GPT2: variants seen among roughly 807,000 people sequenced by gnomAD.
The protein encoded by GPT2 is alanine aminotransferase 2.
In GPT2, 30 loss-of-function variants were observed where a neutral mutation model predicts 56.9. The observed-to-expected ratio is 0.53, with a 90% confidence interval of 0.39 to 0.72. The LOEUF is 0.72. Among genes scored for constraint, GPT2 ranks in the 30% least tolerant of loss-of-function variants. The pLI, the probability that GPT2 is intolerant of heterozygous loss-of-function variation, is 0.00. For missense variants in GPT2, 542 were observed against 703.4 expected (o/e 0.77, Z 2.60); for synonymous variants, 271 against 283.1 (o/e 0.96, Z 0.43).
intron 4 of GPT2, among the ~76,000 whole-genome samples, chr16:46,903,134 A>G (rs1330141796): frequency 6.6e-6 from 1 of 151,234 alleles, no homozygotes; most frequent in South Asian, 2.1e-4. Context: ...CTGTAATCCC[A>G]GCTACTTGGG....
At chr16:46,924,610 C>T in intron 10 of GPT2, 66 bp downstream of exon 10, 1 of 1,567,284 alleles carries the variant, frequency 6.4e-7, no homozygotes, top group Non-Finnish European at 8.7e-7. Flanking sequence ...GTTGGGGGCC[C>T]CTGCTTATCT....
intron 2 of GPT2, among the ~76,000 whole-genome samples, chr16:46,886,130 C>T (rs569473062): frequency 1.3e-5 from 2 of 152,268 alleles, no homozygotes; most frequent in South Asian, 2.1e-4. Context: ...CAGTCTCCTG[C>T]GGACTCCTTG....
chr16:46,898,105 TG>T (rs968923356), intron 3 of GPT2, among the ~76,000 whole-genome samples: 11 of 152,102 alleles, frequency 7.2e-5, no homozygotes, highest in African/African-American at 2.4e-4. Context: ...GGGGGCAGGA[TG>T]TGGCTTCCCA....
At chr16:46,898,320 A>C (rs140986043) in intron 3 of GPT2, among the ~76,000 whole-genome samples, 12 of 152,296 alleles carry the variant, frequency 7.9e-5, no homozygotes, top group Admixed American at 3.9e-4. Flanking sequence ...CTGCCTCTGC[A>C]GTGACCCAGC....
chr16:46,922,404 G>A lies in GPT2; in HGVS notation c.1200G>A (p.Glu400=). Residue 400 remains glutamate (E), a synonymous_variant, in exon 9 of 12, where the codon GAG becomes GAA. Coordinates refer to ENST00000340124, the MANE Select transcript of GPT2 (RefSeq NM_133443.4). ...CGGTGGCAGGAGAGGAGTCCTTTGAGCAATTCAGCCGAGTGAGTCCACTGT... is the reference window on the plus strand; with the variant it reads ...CGGTGGCAGGAGAGGAGTCCTTTGAACAATTCAGCCGAGTGAGTCCACTGT... The part of the protein sequence containing the change: ...NPPVAGEESF[E]QFSREKESVL... 3 of 1,611,354 alleles carry A rather than the reference G, an allele frequency of 1.9e-6. No individual in the cohort carries two copies. In the South Asian group the frequency reaches 3.3e-5, roughly 18 times the overall value.
At position 46,926,914 on chromosome 16, in the gene GPT2, T is replaced by G; in HGVS notation, c.1369-11T>G. On this transcript the variant is annotated splice_polypyrimidine_tract_variant and intron_variant, in intron 10 of 11. Coordinates refer to ENST00000340124, the MANE Select transcript of GPT2 (RefSeq NM_133443.4). ...GCCAGGAATGATCATGAGCTCTGTC[T>G]GCTCCCATAGGCCCATCAAATGGCT... 1 of 1,523,064 alleles carries G rather than the reference T, an allele frequency of 6.6e-7. No homozygotes were observed. 94.3% of individuals were successfully genotyped at this position (1,523,064 alleles called of 1,614,324 possible).
In GPT2 at chr16:46,906,706, A is replaced by G. The variant is rs1409956285; in HGVS notation, c.443-136A>G. 6 of 1,148,934 alleles carry G rather than the reference A, an allele frequency of 5.2e-6. No individual in the cohort carries two copies. In the African/African-American group the frequency reaches 7.7e-5, roughly 15 times the overall value. The allele number at this position is 1,148,934 out of a possible 1,614,324, so 71.2% of individuals were successfully genotyped here. On this transcript the variant is annotated intron_variant, in intron 4 of 11. Coordinates refer to ENST00000340124, the MANE Select transcript of GPT2 (RefSeq NM_133443.4). Reference sequence around the variant, plus strand: ...GGTTAAGCAGTTTCCCACAGTTCCAAAGCAATGGGAGTTGGGCCCCACCCC... The same window carrying G: ...GGTTAAGCAGTTTCCCACAGTTCCAGAGCAATGGGAGTTGGGCCCCACCCC...
rs1041992826 is a variant in GPT2, at chr16:46,884,483, G to T, written c.-23+16G>T. The T allele has an allele frequency of 5.4e-5, 21 of 392,394 alleles. No homozygotes were observed. Among genetic ancestry groups the T allele is most frequent in the Non-Finnish European group, 9.1e-5 (21 of 229,812 alleles). The allele number at this position is 392,394 out of a possible 1,614,324, so 24.3% of individuals were successfully genotyped here. A position where few individuals can be genotyped will look rare whatever the true frequency, so the allele number is the denominator to read the frequency against. On this transcript the variant is annotated intron_variant, in intron 1 of 11. Transcript: ENST00000340124. ...GGGGCGACAGGCACGTTGCATGCAT[G>T]CCTTGGGCGCAGCCTTTGCGAAAGC...
At chr16:46,927,164 C>G in intron 11 of GPT2, 127 bp downstream of exon 11, 1 of 537,092 alleles carries the variant, frequency 1.9e-6, no homozygotes, top group East Asian at 3.2e-5. Context: ...CTCGAGTCAC[C>G]CCTACTCTGT....
chr16:46,890,032 C>T (rs760751242), intron 2 of GPT2, among the ~76,000 whole-genome samples: 3 of 152,232 alleles, frequency 2.0e-5, no homozygotes, highest in Admixed American at 1.3e-4. Flanking sequence ...GACCACCCCA[C>T]GGATGCCCAG....
chr16:46,922,819 C>T (rs1370168232), intron 9 of GPT2, among the ~76,000 whole-genome samples: 1 of 152,284 alleles, frequency 6.6e-6, no homozygotes, highest in Non-Finnish European at 1.5e-5. Context: ...TGACAGGGTC[C>T]TCCAGCTCTG....
chr16:46,924,607 GC>G (rs1425715913), intron 10 of GPT2, 63 bp downstream of exon 10: 1 of 1,576,412 alleles, frequency 6.3e-7, no homozygotes, highest in East Asian at 2.2e-5. Flanking sequence ...TGGGTTGGGG[GC>G]CCCTGCTTAT....
chr16:46,926,048 T>C (rs1961400623), intron 10 of GPT2, among the ~76,000 whole-genome samples: 2 of 148,322 alleles, frequency 1.3e-5, no homozygotes, highest in South Asian at 2.1e-4. Context: ...GGAGAATCGC[T>C]TAAACCCGGG....
chr16:46,901,848 C>T (rs1960824357), intron 4 of GPT2, among the ~76,000 whole-genome samples: 1 of 152,356 alleles, frequency 6.6e-6, no homozygotes, highest in East Asian at 1.9e-4. Flanking sequence ...TCCCACCTGC[C>T]AGCCTGGATG....
At chr16:46,918,343 G>C (rs1961213218) in intron 7 of GPT2, among the ~76,000 whole-genome samples, 1 of 152,228 alleles carries the variant, frequency 6.6e-6, no homozygotes, top group Admixed American at 6.5e-5. Flanking sequence ...TCACTGGTCA[G>C]ATGGGGTGGA....
At chr16:46,916,557 T>C (rs1961170025) in intron 6 of GPT2, 71 bp from the exon 7 acceptor site, 1 of 1,142,768 alleles carries the variant, frequency 8.8e-7, no homozygotes, top group Non-Finnish European at 1.3e-6. Flanking sequence ...TGATTCTGGA[T>C]GGGCTTCTGA....
At chr16:46,920,704 C>T (rs1263305214) in intron 8 of GPT2, among the ~76,000 whole-genome samples, 2 of 152,220 alleles carry the variant, frequency 1.3e-5, no homozygotes, top group African/African-American at 4.8e-5. Flanking sequence ...TGTTCTTGGG[C>T]TTCTTTGATC....
chr16:46,916,555 G>A, intron 6 of GPT2, 73 bp from the exon 7 acceptor site: 3 of 1,128,410 alleles, frequency 2.7e-6, no homozygotes, highest in Non-Finnish European at 4.1e-6. Context: ...AGTGATTCTG[G>A]ATGGGCTTCT....
At chr16:46,926,473 G>A (rs965451312) in intron 10 of GPT2, among the ~76,000 whole-genome samples, 1 of 152,068 alleles carries the variant, frequency 6.6e-6, no homozygotes, top group Middle Eastern at 3.2e-3. Flanking sequence ...AATCCCTGAT[G>A]ATAGAACCTG....
Sources: allele counts gnomAD v4.1 joint callset (sites outside exome capture counted in the v4.1 genomes callset), GRCh38; gene constraint gnomAD v4.1.1; transcripts MANE v1.5; gene names NCBI Gene and HGNC (gene_info 2026-07-23, HGNC 2026-07-21).